Variants in USP46 observed in about 807,000 individuals in gnomAD.
USP46 encodes ubiquitin specific peptidase 46, also known as ubiquitin carboxyl-terminal hydrolase 46.
USP46 carries 12 observed loss-of-function variants against 44.4 expected under a neutral mutation model. That is an observed-to-expected ratio of 0.27 (90% confidence interval 0.17 to 0.44). USP46 has a LOEUF of 0.44. USP46 is among the 20% of genes least tolerant of loss of function. USP46 has a pLI of 1.00. For synonymous variants in USP46, 155 were observed against 161.5 expected (o/e 0.96, Z 0.31); for missense variants, 248 against 444.8 (o/e 0.56, Z 3.98).
At position 52,592,556 on chromosome 4, in the gene USP46, G is replaced by A. The variant is rs1716060290; in HGVS notation, c.*5084C>T. On this transcript the variant is annotated 3_prime_UTR_variant, in exon 9 of 9. Transcript: ENST00000441222. ...TCACGAGATCTGGTTGTTTAAAAGT[G>A]TGTAACCCCAGCCGAGCAAGGTGGC... 2 of 226,214 alleles carry A rather than the reference G, an allele frequency of 8.8e-6. No individual in the cohort carries two copies. Among genetic ancestry groups the A allele is most frequent in the Non-Finnish European group, 8.5e-6 (1 of 116,960 alleles). 14.0% of individuals were successfully genotyped at this position (226,214 alleles called of 1,614,324 possible). A position where few individuals can be genotyped will look rare whatever the true frequency, so the allele number is the denominator to read the frequency against.
At chr4:52,612,838 T>C (rs1425671293) in intron 4 of USP46, among the ~76,000 whole-genome samples, 1 of 152,224 alleles carries the variant, frequency 6.6e-6, no homozygotes, top group African/African-American at 2.4e-5. Flanking sequence ...TTGGGGTGGT[T>C]TGTGACAAAG....
At chr4:52,599,367 G>T (rs1285208983) in intron 7 of USP46, among the ~76,000 whole-genome samples, 1 of 152,058 alleles carries the variant, frequency 6.6e-6, no homozygotes, top group Non-Finnish European at 1.5e-5. Context: ...AGTAGCACTT[G>T]GTGTGTTCAG....
chr4:52,629,515 CA>C, intron 2 of USP46: 1 of 447,084 alleles, frequency 2.2e-6, no homozygotes, highest in Non-Finnish European at 4.5e-6. Context: ...GAGGCCTGTG[CA>C]AAATGGCTAA....
At chr4:52,631,979 C>T (rs1717842431) in intron 1 of USP46, among the ~76,000 whole-genome samples, 1 of 150,110 alleles carries the variant, frequency 6.7e-6, no homozygotes, top group South Asian at 2.2e-4. Flanking sequence ...GCACTCCAGC[C>T]TGGGTACAGA....
chr4:52,644,737 TAAA>T (rs781627890), intron 1 of USP46, among the ~76,000 whole-genome samples: 9 of 108,436 alleles, frequency 8.3e-5, no homozygotes, highest in Non-Finnish European at 1.2e-4. Context: ...GATATTGAAT[TAAA>T]AAAAAAAAAA....
At chr4:52,615,075 T>C (rs938620077) in intron 4 of USP46, among the ~76,000 whole-genome samples, 2 of 150,918 alleles carry the variant, frequency 1.3e-5, no homozygotes, top group Non-Finnish European at 3.0e-5. Context: ...TAAAAATATA[T>C]TCAAAAAATA....
rs992165150 is a variant in USP46, at chr4:52,598,534, G to A, written c.999+94C>T. ...AGTTGTTTTCAAATTACATTATGGG[G>A]AAACAGGCCTATTTTAGAAAATGTC... is the stretch of plus-strand genomic sequence containing the variant. On this transcript the variant is annotated intron_variant, in intron 8 of 8. Coordinates refer to ENST00000441222, the MANE Select transcript of USP46 (RefSeq NM_022832.4). 4 of 1,264,720 alleles carry A rather than the reference G, an allele frequency of 3.2e-6. No homozygotes were observed. In the African/African-American group the frequency reaches 4.5e-5, roughly 14 times the overall value. The allele number at this position is 1,264,720 out of a possible 1,614,324, so 78.3% of individuals were successfully genotyped here. A position where few individuals can be genotyped will look rare whatever the true frequency, so the allele number is the denominator to read the frequency against.
Position 52,592,797 on chromosome 4 carries a change from T to C in USP46, c.*4843A>G, listed in dbSNP as rs546950901. The C allele has an allele frequency of 3.0e-5, 12 of 397,552 alleles. No homozygotes were observed. The highest frequency in any genetic ancestry group is 4.9e-5 in the Non-Finnish European group (11 of 225,872). 24.6% of individuals were successfully genotyped at this position (397,552 alleles called of 1,614,324 possible). ...GAGGTTGCAGTGAGCTGAGATCTCA[T>C]CACTGCACTCCAGCCTGGGTGACAG... On this transcript the variant is annotated 3_prime_UTR_variant, in exon 9 of 9. Coordinates refer to ENST00000441222, the MANE Select transcript of USP46 (RefSeq NM_022832.4).
At chr4:52,649,649 T>C (rs779584713) in intron 1 of USP46, among the ~76,000 whole-genome samples, 2 of 152,230 alleles carry the variant, frequency 1.3e-5, no homozygotes, top group African/African-American at 4.8e-5. Context: ...CATGATAAAA[T>C]TGGAGGCATA....
chr4:52,643,089 T>G (rs1305737499), intron 1 of USP46, among the ~76,000 whole-genome samples: 1 of 152,196 alleles, frequency 6.6e-6, no homozygotes, highest in East Asian at 1.9e-4. Context: ...ATTATTTATT[T>G]TAATCCAAAG....
chr4:52,648,015 A>G (rs1718616577), intron 1 of USP46, among the ~76,000 whole-genome samples: 2 of 152,226 alleles, frequency 1.3e-5, no homozygotes, highest in Non-Finnish European at 2.9e-5. Flanking sequence ...CTAGACATCA[A>G]TCTCTCTGCT....
chr4:52,646,800 A>G (rs1421940232), intron 1 of USP46, among the ~76,000 whole-genome samples: 2 of 152,230 alleles, frequency 1.3e-5, no homozygotes, highest in East Asian at 1.9e-4. Context: ...CTCACTTCTA[A>G]TAAGAGAAAT....
chr4:52,615,896 C>CA (rs1560397622), intron 4 of USP46, among the ~76,000 whole-genome samples: 1 of 151,948 alleles, frequency 6.6e-6, no homozygotes. Context: ...TTTAAAAAGT[C>CA]AAAAAATTCA....
At chr4:52,618,530 A>G (rs1717251728) in intron 4 of USP46, among the ~76,000 whole-genome samples, 2 of 151,714 alleles carry the variant, frequency 1.3e-5, no homozygotes, top group Non-Finnish European at 2.9e-5. Flanking sequence ...GGTGGTGTGC[A>G]CTACTGTATT....
At chr4:52,645,896 T>C (rs1202303054) in intron 1 of USP46, among the ~76,000 whole-genome samples, 3 of 152,136 alleles carry the variant, frequency 2.0e-5, no homozygotes, top group Admixed American at 2.0e-4. Context: ...TTTGAAAGTG[T>C]GTGGCACTTT....
At chr4:52,637,947 C>A (rs1418254640) in intron 1 of USP46, among the ~76,000 whole-genome samples, 1 of 152,142 alleles carries the variant, frequency 6.6e-6, no homozygotes, top group Non-Finnish European at 1.5e-5. Context: ...CAGCATCCTG[C>A]AAGGCCAGCT....
rs957469784 is a variant in USP46, at chr4:52,591,173, G to A, written c.*6467C>T. The A allele has an allele frequency of 3.9e-5, 6 of 152,256 alleles. No homozygotes were observed. The highest frequency in any genetic ancestry group is 2.1e-4 in the South Asian group (1 of 4,826). The allele number at this position is 152,256 out of a possible 1,614,324, so 9.4% of individuals were successfully genotyped here. ...AGGCTCATTCTTAAAGTTTTCTCAC[G>A]TTTATTTTCCATTTTCTTAGCACAG... On this transcript the variant is annotated 3_prime_UTR_variant, in exon 9 of 9. Coordinates refer to ENST00000441222, the MANE Select transcript of USP46 (RefSeq NM_022832.4).
intron 1 of USP46, among the ~76,000 whole-genome samples, chr4:52,634,677 G>C (rs1051311591): frequency 6.6e-6 from 1 of 151,784 alleles, no homozygotes; most frequent in African/African-American, 2.4e-5. Context: ...CACCTGCCTC[G>C]GCCTCCCAAA....
chr4:52,626,755 G>A (rs1172222469), intron 3 of USP46, among the ~76,000 whole-genome samples: 2 of 151,940 alleles, frequency 1.3e-5, no homozygotes, highest in Non-Finnish European at 2.9e-5. Flanking sequence ...CATGCACCAA[G>A]AACAAAATTT....
Sources: gnomAD v4.1 joint callset for allele counts (sites outside exome capture counted in the v4.1 genomes callset) on GRCh38, gnomAD v4.1.1 for gene constraint, MANE v1.5 for transcripts, NCBI Gene and HGNC (gene_info 2026-07-23, HGNC 2026-07-21) for gene names.